The following KIAA0586 variants were observed in gnomAD, a reference collection of about 807,000 sequenced individuals.
KIAA0586 encodes the protein KIAA0586.
In KIAA0586, 144 loss-of-function variants were observed where a neutral mutation model predicts 169.8. That is an observed-to-expected ratio of 0.85 (90% CI 0.74 to 0.97). The LOEUF (loss-of-function observed/expected upper bound fraction) is 0.97, where lower values mean the gene tolerates loss of function less well. KIAA0586 is among the 50% of genes least tolerant of loss of function. The pLI is 0.00. For missense variants in KIAA0586, 1,854 were observed against 1,823.0 expected, an observed-to-expected ratio of 1.02 and a Z score of -0.31; for synonymous variants, 625 against 612.4, an observed-to-expected ratio of 1.02 and a Z score of -0.30.
intron 14 of KIAA0586, among the ~76,000 whole-genome samples, chr14:58,463,196 T>C (rs570633613): frequency 1.3e-5 from 2 of 152,310 alleles, no homozygotes; most frequent in African/African-American, 2.4e-5. Flanking sequence ...ACCCTGACCA[T>C]TCTATTCAAA....
chr14:58,540,228 T>G, intron 30 of KIAA0586, 92 bp downstream of exon 30: 1 of 679,070 alleles, frequency 1.5e-6, no homozygotes, highest in Non-Finnish European at 2.5e-6. Context: ...ATCAACACAG[T>G]AGAAATACTA....
chr14:58,547,728 C>G (rs1279338373), intron 30 of KIAA0586, 53 bp from the exon 31 acceptor site: 5 of 1,402,488 alleles, frequency 3.6e-6, no homozygotes, highest in Non-Finnish European at 5.0e-6. Context: ...GCATAAAGCA[C>G]GTAAATACTC....
intron 9 of KIAA0586, among the ~76,000 whole-genome samples, chr14:58,455,071 G>C (rs2039705173): frequency 6.6e-6 from 1 of 151,998 alleles, no homozygotes; most frequent in Admixed American, 6.6e-5. Flanking sequence ...CAATTAGCCT[G>C]TCTTAAAGTT....
At chr14:58,546,192 T>G (rs1821957023) in intron 30 of KIAA0586, among the ~76,000 whole-genome samples, 1 of 152,230 alleles carries the variant, frequency 6.6e-6, no homozygotes, top group African/African-American at 2.4e-5. Context: ...TATTATATTA[T>G]AGTTTGTGAT....
rs1452914179 is a variant in KIAA0586, at chr14:58,548,105, AATAAGT to A, written c.*180_*185del. 1.9e-5 allele frequency: 14 copies of A among 729,352 alleles called. No homozygotes were observed. The highest frequency in any genetic ancestry group is 5.4e-5 in the African/African-American group (3 of 56,046). 45.2% of individuals were successfully genotyped at this position (729,352 alleles called of 1,614,324 possible). On this transcript the variant is annotated 3_prime_UTR_variant, in exon 31 of 31. Transcript: ENST00000652326. ...TTGGGTATTTAAAGTTTTTAAATAA[AATAAGT>A]ATAAGTCATTATAAGTCTGATTGTG...
chr14:58,429,517 C>A, intron 2 of KIAA0586, 84 bp downstream of exon 2: 1 of 798,354 alleles, frequency 1.3e-6, no homozygotes, highest in Non-Finnish European at 2.2e-6. Flanking sequence ...GTTTGATTAG[C>A]AGCATGCCTT....
At chr14:58,497,569 TG>T (rs1053789974) in intron 26 of KIAA0586, among the ~76,000 whole-genome samples, 1 of 151,822 alleles carries the variant, frequency 6.6e-6, no homozygotes, top group African/African-American at 2.4e-5. Flanking sequence ...TTCACCATAT[TG>T]GCCAGGCTGG....
In KIAA0586 at chr14:58,549,355, G is replaced by A. The variant is rs1423872326; in HGVS notation, c.*1423G>A. 2.0e-5 allele frequency: 3 copies of A among 151,008 alleles called. No individual in the cohort carries two copies. The highest frequency in any genetic ancestry group is 7.3e-5 in the African/African-American group (3 of 41,124). The allele number at this position is 151,008 out of a possible 1,614,324, so 9.4% of individuals were successfully genotyped here. A position where few individuals can be genotyped will look rare whatever the true frequency, so the allele number is the denominator to read the frequency against. The stretch of plus-strand genomic sequence containing the variant: ...AGCATTGGTATTAAAAAAAAAAAAA[G>A]ACCTTTTCAGGTAATTTTAATGGGC... On this transcript the variant is annotated 3_prime_UTR_variant, in exon 31 of 31. Transcript: ENST00000652326.
intron 4 of KIAA0586, among the ~76,000 whole-genome samples, chr14:58,439,195 CT>C (rs559069967): frequency 1.4e-4 from 21 of 150,336 alleles, no homozygotes; most frequent in Non-Finnish European, 2.8e-4. Flanking sequence ...TTTTTTCTTT[CT>C]TTTTTTTTGA....
At chr14:58,496,088 T>C (rs536007502) in intron 26 of KIAA0586, among the ~76,000 whole-genome samples, 9 of 152,380 alleles carry the variant, frequency 5.9e-5, no homozygotes, top group East Asian at 1.9e-4. Flanking sequence ...ATTGCTTTGC[T>C]AAGTTGTGGC....
At chr14:58,553,565 G>A (rs375686175), downstream of KIAA0586, among the ~76,000 whole-genome samples, 15 of 150,794 alleles carry the variant, frequency 9.9e-5, no homozygotes, top group East Asian at 1.5e-3. Flanking sequence ...GTCTTGGGTG[G>A]AATTTGCACT....
intron 29 of KIAA0586, among the ~76,000 whole-genome samples, chr14:58,513,003 G>T (rs2044498875): frequency 6.6e-6 from 1 of 152,008 alleles, no homozygotes; most frequent in Non-Finnish European, 1.5e-5. Context: ...ACATTATTTA[G>T]TGCGTGGTGG....
chr14:58,462,237 G>T (rs2040383659), intron 14 of KIAA0586, among the ~76,000 whole-genome samples: 1 of 144,364 alleles, frequency 6.9e-6, no homozygotes, highest in African/African-American at 2.5e-5. Context: ...CTTATTTAGT[G>T]TAGTTTTGCT....
chr14:58,487,811 G>A lies in KIAA0586; in HGVS notation c.3305-76G>A, dbSNP rs528843837. 3.4e-4 allele frequency: 284 copies of A among 840,166 alleles called. 1 individual carries two copies. The highest frequency in any genetic ancestry group is 3.3e-3 in the African/African-American group (192 of 58,298). The allele number at this position is 840,166 out of a possible 1,614,324, so 52.0% of individuals were successfully genotyped here. A position where few individuals can be genotyped will look rare whatever the true frequency, so the allele number is the denominator to read the frequency against. ...GCTAAAATGGTAAGGGATATCTGAA[G>A]CAATGTATCATGCCATCCTATGGAG... On this transcript the variant is annotated intron_variant, in intron 22 of 30. Coordinates refer to ENST00000652326, the MANE Select transcript of KIAA0586 (RefSeq NM_001329943.3).
At chr14:58,513,643 CTCT>C (rs1357462038) in intron 29 of KIAA0586, among the ~76,000 whole-genome samples, 4 of 151,560 alleles carry the variant, frequency 2.6e-5, no homozygotes, top group African/African-American at 4.8e-5. Context: ...ACCTATAAAA[CTCT>C]TCTTCTGGTG....
Position 58,458,473 on chromosome 14 carries a change from A to G in KIAA0586, c.1584A>G (p.Arg528=), listed in dbSNP as rs776054856. 10 of 1,508,300 alleles carry G rather than the reference A, an allele frequency of 6.6e-6. No individual in the cohort carries two copies. In the South Asian group the frequency reaches 1.1e-4, roughly 17 times the overall value. 93.4% of individuals were successfully genotyped at this position (1,508,300 alleles called of 1,614,324 possible). The change falls in exon 12 of 31, where the codon AGA becomes AGG. Residue 528 remains arginine (R), a splice_region_variant and synonymous_variant. Coordinates refer to ENST00000652326, the MANE Select transcript of KIAA0586 (RefSeq NM_001329943.3). The part of the protein sequence containing the change: ...YSLINALSTN[R]EMSEKIRIRK... ...GAAAATTCCTTTTTCTCTTTTATAGAGAGATGTCAGAGAAAATTAGGATCA... is the reference window on the plus strand; with the variant it reads ...GAAAATTCCTTTTTCTCTTTTATAGGGAGATGTCAGAGAAAATTAGGATCA...
chr14:58,533,220 TG>T (rs530240041), intron 29 of KIAA0586, among the ~76,000 whole-genome samples: 158 of 152,360 alleles, frequency 1.0e-3, no homozygotes, highest in Middle Eastern at 6.8e-3. Flanking sequence ...CTAATTACTG[TG>T]TCAGCATGAT....
chr14:58,507,931 C>G (rs555097853), intron 27 of KIAA0586, among the ~76,000 whole-genome samples: 2 of 151,970 alleles, frequency 1.3e-5, no homozygotes, highest in Non-Finnish European at 2.9e-5. Flanking sequence ...ATTACAGGTG[C>G]CATGCCACCA....
chr14:58,430,241 A>G (rs2037248005), intron 2 of KIAA0586, among the ~76,000 whole-genome samples: 1 of 151,670 alleles, frequency 6.6e-6, no homozygotes, highest in African/African-American at 2.4e-5. Flanking sequence ...CTGTTATTGT[A>G]TAATTGAGAA....
Sources: gnomAD v4.1 joint callset for allele counts (sites outside exome capture counted in the v4.1 genomes callset) on GRCh38, gnomAD v4.1.1 for gene constraint, MANE v1.5 for transcripts, NCBI Gene and HGNC (gene_info 2026-07-23, HGNC 2026-07-21) for gene names.